The following GAK variants were observed in gnomAD, a reference collection of about 807,000 sequenced individuals.
GAK encodes the protein cyclin G associated kinase, also known as cyclin-G-associated kinase.
A neutral mutation model predicts 143.9 loss-of-function variants in GAK; 79 were observed. That is an observed-to-expected ratio of 0.55 (90% CI 0.46 to 0.66). The LOEUF (loss-of-function observed/expected upper bound fraction) is 0.66, where lower values mean the gene tolerates loss of function less well. Ranked by LOEUF, GAK falls within the 30% of genes least tolerant of loss-of-function variation. The probability of loss-of-function intolerance (pLI) is 0.00; values close to 1 mark genes in which losing one functional copy is unlikely to be tolerated. For missense variants in GAK, 1,693 were observed against 1,779.7 expected, an observed-to-expected ratio of 0.95 and a Z score of 0.88; for synonymous variants, 881 against 765.5, an observed-to-expected ratio of 1.15 and a Z score of -2.49.
chr4:887,221 G>A (rs1224294076), intron 11 of GAK: 2 of 129,116 alleles, frequency 1.5e-5, no homozygotes, highest in Non-Finnish European at 3.4e-5. Flanking sequence ...ACACATGCAC[G>A]CGGCTCACGC....
intron 7 of GAK, 62 bp downstream of exon 7, chr4:896,398 C>T (rs1470099885): frequency 1.4e-5 from 19 of 1,365,656 alleles, no homozygotes; most frequent in Admixed American, 3.6e-5. Flanking sequence ...CGGCCCACGC[C>T]GCCTCAGGTT....
At chr4:923,315 A>G (rs1306969566) in intron 1 of GAK, among the ~76,000 whole-genome samples, 1 of 149,628 alleles carries the variant, frequency 6.7e-6, no homozygotes, top group Non-Finnish European at 1.5e-5. Flanking sequence ...AAAGAATGGC[A>G]TGTCGGGTAC....
At chr4:865,596 G>A (rs1751033148) in intron 22 of GAK, among the ~76,000 whole-genome samples, 1 of 152,208 alleles carries the variant, frequency 6.6e-6, no homozygotes, top group African/African-American at 2.4e-5. Flanking sequence ...AGCCCGAGGT[G>A]GCTCCACCTG....
intron 3 of GAK, 193 bp from the exon 4 acceptor site, chr4:911,980 G>C: frequency 1.9e-6 from 1 of 525,250 alleles, no homozygotes; most frequent in Non-Finnish European, 3.6e-6. Context: ...GAGGCAGGAG[G>C]AGCTGCAGGA....
chr4:851,157 GC>G (rs1440857091), intron 25 of GAK, 73 bp from the exon 26 acceptor site: 9 of 1,346,916 alleles, frequency 6.7e-6, no homozygotes, highest in Non-Finnish European at 9.4e-6. Flanking sequence ...GAGTGCAATG[GC>G]GTGATCTCAG....
intron 1 of GAK, among the ~76,000 whole-genome samples, chr4:931,181 G>A (rs971765641): frequency 8.5e-5 from 13 of 152,224 alleles, no homozygotes; most frequent in Non-Finnish European, 1.5e-4. Context: ...TGAACGGAGA[G>A]GACATCCAGG....
At chr4:894,231 A>AG (rs1457806108) in intron 7 of GAK, 3 of 331,478 alleles carry the variant, frequency 9.1e-6, no homozygotes, top group Non-Finnish European at 1.5e-5. Flanking sequence ...CGGGAACAAC[A>AG]GGGGTGACAC....
chr4:906,308 T>C (rs1483071680), intron 4 of GAK, among the ~76,000 whole-genome samples: 1 of 152,218 alleles, frequency 6.6e-6, no homozygotes, highest in Non-Finnish European at 1.5e-5. Context: ...GAACACTCAG[T>C]GTCCTCAGAT....
intron 5 of GAK, among the ~76,000 whole-genome samples, chr4:900,098 T>C (rs1390597789): frequency 6.6e-6 from 1 of 152,256 alleles, no homozygotes; most frequent in Non-Finnish European, 1.5e-5. Context: ...ACACGGCCAC[T>C]GAAGGCCCAG....
intron 4 of GAK, 135 bp downstream of exon 4, chr4:911,538 G>A (rs1261561295): frequency 1.2e-5 from 7 of 600,372 alleles, no homozygotes; most frequent in East Asian, 2.9e-5. Flanking sequence ...AGAGCTGCCC[G>A]CGCTTCCCGC....
chr4:902,695 T>C (rs1210608006), intron 5 of GAK, among the ~76,000 whole-genome samples: 1 of 144,314 alleles, frequency 6.9e-6, no homozygotes, highest in Non-Finnish European at 1.5e-5. Context: ...GCTTCACAGA[T>C]AATGGAGAAG....
intron 19 of GAK, 162 bp from the exon 20 acceptor site, chr4:868,847 C>A (rs1711650604): frequency 1.5e-6 from 1 of 684,932 alleles, no homozygotes; most frequent in African/African-American, 1.8e-5. Context: ...GCTCTCTGAA[C>A]AGATTCCTGC....
In GAK at chr4:888,845, A is replaced by G; in HGVS notation, c.1205+2T>C. The G allele has an allele frequency of 6.2e-7, 1 of 1,601,642 alleles. No homozygotes were observed. Among genetic ancestry groups the G allele is most frequent in the Non-Finnish European group, 8.5e-7 (1 of 1,175,376 alleles). On this transcript the variant is annotated splice_donor_variant, in intron 11 of 27. Transcript: ENST00000314167. LOFTEE classifies it high-confidence loss of function. ...TCCAGGGCTCTGGAGCCTCACACTCACTTAGCGACGGACTGGATGACCTTG... is the reference window on the plus strand; with the variant it reads ...TCCAGGGCTCTGGAGCCTCACACTCGCTTAGCGACGGACTGGATGACCTTG...
rs34176109 is a variant in GAK, at chr4:920,539, A to ATTTTTTTTTTTTTT, written c.146-6885_146-6872dup. On this transcript the variant is annotated intron_variant, in intron 1 of 27. Coordinates refer to ENST00000314167, the MANE Select transcript of GAK (RefSeq NM_005255.4). Reference sequence around the variant, plus strand: ...AAAATTGTGAAAAAGGTTTAGAGCCATTTTTTTTTTTTTTTTTTTTTTGAG... The same window carrying ATTTTTTTTTTTTTT: ...AAAATTGTGAAAAAGGTTTAGAGCCATTTTTTTTTTTTTTTTTTTTTTTTTTTTTTTTTTTTGAG... Among the ~76,000 whole-genome samples the ATTTTTTTTTTTTTT allele has an allele frequency of 2.1e-3, 270 of 129,506 alleles. 9 individuals are homozygous for ATTTTTTTTTTTTTT. Among genetic ancestry groups the ATTTTTTTTTTTTTT allele is most frequent in the East Asian group, 0.015 (64 of 4,180 alleles). The allele number at this position is 129,506 out of a possible 152,430, so 85.0% of individuals were successfully genotyped here.
At chr4:873,314 C>T (rs1267187291) in intron 18 of GAK, among the ~76,000 whole-genome samples, 2 of 152,186 alleles carry the variant, frequency 1.3e-5, no homozygotes, top group Non-Finnish European at 2.9e-5. Flanking sequence ...ACTTAACGAG[C>T]ATACGGTCTC....
intron 1 of GAK, chr4:915,759 C>A (rs1387376034): frequency 6.6e-6 from 1 of 152,202 alleles, no homozygotes; most frequent in Non-Finnish European, 1.5e-5. Context: ...AGGAACACTG[C>A]ATTTCGTGGT....
At chr4:863,958 G>A (rs1315488824) in intron 23 of GAK, among the ~76,000 whole-genome samples, 1 of 152,184 alleles carries the variant, frequency 6.6e-6, no homozygotes, top group Non-Finnish European at 1.5e-5. Flanking sequence ...AGGACGTGGA[G>A]GATGCAGTGA....
At chr4:862,194 G>A (rs1217501329) in intron 23 of GAK, among the ~76,000 whole-genome samples, 1 of 151,968 alleles carries the variant, frequency 6.6e-6, no homozygotes, top group African/African-American at 2.4e-5. Flanking sequence ...GACGGCCTAA[G>A]TCATCCGCTA....
rs555468270 is a variant in GAK, at chr4:906,827, G to A, written c.383-2048C>T. Among the ~76,000 whole-genome samples the A allele has an allele frequency of 2.6e-5, 4 of 152,286 alleles. No individual in the cohort carries two copies. The East Asian group carries it at 7.7e-4, about 29-fold the overall frequency. ...TCAGGGTCTCCCCCACGCTGCCAGAGCTTGCGCTCCCAGCCACACTGGCCT... is the reference window on the plus strand; with the variant it reads ...TCAGGGTCTCCCCCACGCTGCCAGAACTTGCGCTCCCAGCCACACTGGCCT... On this transcript the variant is annotated intron_variant, in intron 4 of 27. Coordinates refer to ENST00000314167, the MANE Select transcript of GAK (RefSeq NM_005255.4).
Sources: allele counts gnomAD v4.1 joint callset (sites outside exome capture counted in the v4.1 genomes callset), GRCh38; gene constraint gnomAD v4.1.1; transcripts MANE v1.5; gene names NCBI Gene and HGNC (gene_info 2026-07-23, HGNC 2026-07-21).